Variants in SLC36A1 observed in about 807,000 individuals in gnomAD.
SLC36A1 encodes proton-coupled amino acid transporter 1.
A neutral mutation model predicts 47.5 loss-of-function variants in SLC36A1; 30 were observed. That is an observed-to-expected ratio of 0.63 (90% CI 0.47 to 0.86). SLC36A1 has a LOEUF of 0.86. Ranked by LOEUF, SLC36A1 falls within the 40% of genes least tolerant of loss-of-function variation. SLC36A1 has a pLI of 0.00. For synonymous variants in SLC36A1, 255 were observed against 249.7 expected, an observed-to-expected ratio of 1.02 and a Z score of -0.20; for missense variants, 517 against 606.0, an observed-to-expected ratio of 0.85 and a Z score of 1.54.
intron 8 of SLC36A1, among the ~76,000 whole-genome samples, chr5:151,475,921 C>A (rs567359761): frequency 6.6e-6 from 1 of 152,204 alleles, no homozygotes; most frequent in Non-Finnish European, 1.5e-5. Flanking sequence ...TAAATAAACT[C>A]ATTTTCATAG....
intron 1 of SLC36A1, among the ~76,000 whole-genome samples, chr5:151,438,748 C>A (rs1465287491): frequency 3.9e-5 from 6 of 152,198 alleles, no homozygotes; most frequent in African/African-American, 1.4e-4. Context: ...CATGCACTCT[C>A]CCAGGCACCA....
the SLC36A1 span, among the ~76,000 whole-genome samples, chr5:151,357,557 A>G: frequency 8.2e-3 from 1,256 of 152,352 alleles, 21 homozygotes; most frequent in African/African-American, 0.028. Context: ...ACTATGGCCT[A>G]TTGGCCAAAT....
the SLC36A1 span, chr5:151,545,398 C>G: frequency 6.2e-7 from 1 of 1,614,146 alleles, no homozygotes; most frequent in East Asian, 2.2e-5. Context: ...ATCAGCATTG[C>G]CAGTTTTGAT....
chr5:151,540,597 G>A, the SLC36A1 span: 23 of 1,613,580 alleles, frequency 1.4e-5, no homozygotes, highest in Middle Eastern at 1.7e-4. Context: ...TATCATTGAC[G>A]TCCAGGACAA....
At chr5:151,380,656 GC>G in the SLC36A1 span, 1 of 552,870 alleles carries the variant, frequency 1.8e-6, no homozygotes, top group Non-Finnish European at 3.7e-6. Context: ...CGTCAACCCA[GC>G]CCTAGTCAAA....
chr5:151,420,160 G>C, the SLC36A1 span, among the ~76,000 whole-genome samples: 1 of 152,172 alleles, frequency 6.6e-6, no homozygotes, highest in Non-Finnish European at 1.5e-5. Context: ...TTTCCCTGAA[G>C]GGCTCCAAAA....
chr5:151,440,541 C>A (rs1308110091), intron 1 of SLC36A1, among the ~76,000 whole-genome samples: 4 of 149,400 alleles, frequency 2.7e-5, no homozygotes, highest in Non-Finnish European at 4.4e-5. Context: ...ATCTCAGGGG[C>A]TGGTACTCTT....
the SLC36A1 span, among the ~76,000 whole-genome samples, chr5:151,344,973 C>G: frequency 6.6e-6 from 1 of 152,102 alleles, no homozygotes. Context: ...AGAGGGATTT[C>G]TTTTCTCAGC....
the SLC36A1 span, among the ~76,000 whole-genome samples, chr5:151,375,902 A>C: frequency 6.6e-6 from 1 of 152,096 alleles, no homozygotes; most frequent in African/African-American, 2.4e-5. Context: ...TTTTGGAGGA[A>C]TTTTTAGGTT....
chr5:151,353,261 A>G, the SLC36A1 span, among the ~76,000 whole-genome samples: 1 of 152,178 alleles, frequency 6.6e-6, no homozygotes. Context: ...TCATTCTACA[A>G]ATTGTGAAAC....
chr5:151,488,837 A>ACC lies in SLC36A1; in HGVS notation c.*586_*587dup, dbSNP rs980225948. On this transcript the variant is annotated 3_prime_UTR_variant, in exon 11 of 11. Coordinates refer to ENST00000243389, the MANE Select transcript of SLC36A1 (RefSeq NM_078483.4). The stretch of plus-strand genomic sequence containing the variant: ...AATCTGGACTCTCTGGCTTGCTGTG[A>ACC]CCCCTAAGGCAATGCTTCTCTTCCC... 1 of 156,760 alleles carries ACC rather than the reference A, an allele frequency of 6.4e-6. No individual in the cohort carries two copies. Among genetic ancestry groups the ACC allele is most frequent in the African/African-American group, 2.4e-5 (1 of 41,348 alleles). The allele number at this position is 156,760 out of a possible 1,614,324, so 9.7% of individuals were successfully genotyped here.
chr5:151,537,455 GAGGGA>G, the SLC36A1 span, among the ~76,000 whole-genome samples: 16 of 109,164 alleles, frequency 1.5e-4, no homozygotes, highest in Middle Eastern at 4.1e-3. Flanking sequence ...GAGGGGAGGG[GAGGGA>G]AGGAAAGGAG....
At chr5:151,392,838 G>A in the SLC36A1 span, among the ~76,000 whole-genome samples, 1 of 152,086 alleles carries the variant, frequency 6.6e-6, no homozygotes, top group Admixed American at 6.6e-5. Flanking sequence ...GGTCAATTTT[G>A]GAATAAGTGC....
At chr5:151,513,179 A>T in the SLC36A1 span, among the ~76,000 whole-genome samples, 1 of 152,264 alleles carries the variant, frequency 6.6e-6, no homozygotes, top group African/African-American at 2.4e-5. Flanking sequence ...GAAGCCAGCT[A>T]TCTTCTATTA....
the SLC36A1 span, among the ~76,000 whole-genome samples, chr5:151,408,195 T>C: frequency 0.015 from 2,270 of 152,270 alleles, 43 homozygotes; most frequent in African/African-American, 0.051. Context: ...TTTGCTGCTG[T>C]TGTTGTTTTT....
chr5:151,440,662 C>T (rs771436437), intron 1 of SLC36A1, among the ~76,000 whole-genome samples: 4 of 151,678 alleles, frequency 2.6e-5, no homozygotes, highest in Non-Finnish European at 5.9e-5. Context: ...CAGCATAACC[C>T]CTCATGTTAT....
At chr5:151,512,723 G>A in the SLC36A1 span, 1 of 937,402 alleles carries the variant, frequency 1.1e-6, no homozygotes, top group Non-Finnish European at 1.6e-6. The surrounding 1 kb of genome is among the most constrained non-coding windows in gnomAD (Gnocchi z 4.1). Context: ...GGGGGTGTTT[G>A]GCTGTTTTAG....
At chr5:151,549,155 A>G in the SLC36A1 span, 1 of 724,912 alleles carries the variant, frequency 1.4e-6, no homozygotes, top group Non-Finnish European at 2.3e-6. Flanking sequence ...AGGTAGTCCC[A>G]GGGAATGCTC....
the SLC36A1 span, among the ~76,000 whole-genome samples, chr5:151,385,009 A>AGAGTGTGTGTGTGT: frequency 1.3e-3 from 164 of 128,512 alleles, 1 homozygote; most frequent in African/African-American, 5.1e-3. Flanking sequence ...AGAGAGAGAG[A>AGAGTGTGTGTGTGT]GTGTGTGTGT....
Sources: allele counts gnomAD v4.1 joint callset (sites outside exome capture counted in the v4.1 genomes callset), GRCh38; gene constraint gnomAD v4.1.1; non-coding constraint Gnocchi (gnomAD v3.1); transcripts MANE v1.5; gene names NCBI Gene and HGNC (gene_info 2026-07-23, HGNC 2026-07-21).